The following PEX5L variants were observed in gnomAD, a reference collection of about 807,000 sequenced individuals.
PEX5L encodes the protein PEX5-related protein.
Under a neutral mutation model 84.0 loss-of-function variants are expected in PEX5L, and 30 were observed. The ratio of observed to expected loss-of-function variants is 0.36; its 90% confidence interval spans 0.27 to 0.48. The LOEUF (loss-of-function observed/expected upper bound fraction) is 0.48. PEX5L is among the 20% of genes least tolerant of loss of function. The pLI is 0.99. For synonymous variants in PEX5L, 270 were observed against 283.1 expected, an observed-to-expected ratio of 0.95 and a Z score of 0.46; for missense variants, 533 against 754.6, an observed-to-expected ratio of 0.71 and a Z score of 3.44.
chr3:179,868,002 C>A lies in PEX5L; in HGVS notation c.726+6325G>T, dbSNP rs1215359770. 5.3e-5 allele frequency among the ~76,000 whole-genome samples: 8 copies of A among 149,950 alleles called. No individual in the cohort carries two copies. In the South Asian group the frequency reaches 1.7e-3, roughly 32 times the overall value. On this transcript the variant is annotated intron_variant, in intron 7 of 14. Coordinates refer to ENST00000467460, the MANE Select transcript of PEX5L (RefSeq NM_016559.3). ...AAAGGAGGTGGTCTGTAGTTAAGAA[C>A]AAATGCTTTATTATTTATGTATTTA... is the stretch of plus-strand genomic sequence containing the variant.
At chr3:179,972,033 C>T (rs9871887) in intron 1 of PEX5L, among the ~76,000 whole-genome samples, 35,388 of 151,968 alleles carry the variant, frequency 0.23, 4,409 homozygotes, top group East Asian at 0.51. Context: ...GTTCATTTAG[C>T]TTTATACTCA....
At chr3:180,005,641 A>G (rs969210603) in intron 1 of PEX5L, among the ~76,000 whole-genome samples, 3 of 152,134 alleles carry the variant, frequency 2.0e-5, no homozygotes, top group Admixed American at 1.3e-4. Flanking sequence ...AGGCAGGAGA[A>G]TGGTGTGAAC....
intron 1 of PEX5L, among the ~76,000 whole-genome samples, chr3:179,983,036 T>C (rs1786477704): frequency 6.6e-6 from 1 of 152,038 alleles, no homozygotes; most frequent in Non-Finnish European, 1.5e-5. Flanking sequence ...AAGGAAAATA[T>C]TATTTTCACT....
chr3:179,999,704 G>A (rs1476409061), intron 1 of PEX5L, among the ~76,000 whole-genome samples: 2 of 152,114 alleles, frequency 1.3e-5, no homozygotes, highest in South Asian at 2.1e-4. Context: ...ATGGAATCAC[G>A]GAATGCCTTA....
intron 12 of PEX5L, among the ~76,000 whole-genome samples, chr3:179,808,832 C>T (rs1176025592): frequency 6.6e-6 from 1 of 151,722 alleles, no homozygotes; most frequent in Non-Finnish European, 1.5e-5. Context: ...AATCCCAGCA[C>T]TTTGGGAGGC....
chr3:179,941,975 C>G (rs943183091), intron 2 of PEX5L, among the ~76,000 whole-genome samples: 1 of 140,382 alleles, frequency 7.1e-6, no homozygotes, highest in Non-Finnish European at 1.5e-5. Context: ...GAGCCCAGAT[C>G]GCGCCACTGC....
In PEX5L at chr3:179,820,071, G is replaced by T. The variant is rs899376229; in HGVS notation, c.823-95C>A. The T allele has an allele frequency of 2.9e-5, 45 of 1,564,168 alleles. 2 individuals are homozygous for T. The South Asian group carries it at 5.1e-4, about 18-fold the overall frequency. ...CCCTAATAGATAAAAGAGGCTTCTG[G>T]GGAGGAATAAAATGGCTGATGACAT... is the stretch of plus-strand genomic sequence containing the variant. On this transcript the variant is annotated intron_variant, in intron 8 of 14. Transcript: ENST00000467460.
chr3:179,797,773 T>C lies in PEX5L; in HGVS notation c.*4055A>G, dbSNP rs1282478740. The C allele has an allele frequency of 6.6e-6, 1 of 151,870 alleles. No individual in the cohort carries two copies. Among genetic ancestry groups the C allele is most frequent in the Non-Finnish European group, 1.5e-5 (1 of 67,976 alleles). The allele number at this position is 151,870 out of a possible 1,614,324, so 9.4% of individuals were successfully genotyped here. A position where few individuals can be genotyped will look rare whatever the true frequency, so the allele number is the denominator to read the frequency against. On this transcript the variant is annotated 3_prime_UTR_variant, in exon 15 of 15. Transcript: ENST00000467460. ...TGAAATCATAAGTGTGCACGTGTAA[T>C]AATTTCTAAAATAAGAGGGTTCAAA... is the stretch of plus-strand genomic sequence containing the variant.
chr3:179,933,218 T>C (rs547412755), intron 2 of PEX5L, among the ~76,000 whole-genome samples: 38 of 152,336 alleles, frequency 2.5e-4, no homozygotes, highest in African/African-American at 8.7e-4. Context: ...CTCTGGACCA[T>C]GTGTGTTTGT....
chr3:180,014,305 T>C (rs1010476897), intron 1 of PEX5L, among the ~76,000 whole-genome samples: 1 of 152,074 alleles, frequency 6.6e-6, no homozygotes, highest in Non-Finnish European at 1.5e-5. Context: ...ACCCCGTCTC[T>C]ACTAAAAATA....
At chr3:180,030,621 C>A (rs189462713) in intron 1 of PEX5L, among the ~76,000 whole-genome samples, 42 of 152,278 alleles carry the variant, frequency 2.8e-4, no homozygotes, top group East Asian at 1.9e-4. Flanking sequence ...GTTTTAAGAA[C>A]CACATGATTT....
At chr3:179,888,213 G>T (rs1181159807) in intron 3 of PEX5L, 1 of 1,270,396 alleles carries the variant, frequency 7.9e-7, no homozygotes, top group Non-Finnish European at 1.0e-6. Context: ...GTTTATGTGG[G>T]GAGTGCAAAC....
intron 6 of PEX5L, 69 bp downstream of exon 6, chr3:179,875,285 T>A: frequency 6.7e-7 from 1 of 1,488,334 alleles, no homozygotes; most frequent in South Asian, 1.1e-5. Context: ...ACTTAACTCT[T>A]TGGCTATTTC....
At chr3:179,849,982 T>G (rs1034702113) in intron 8 of PEX5L, among the ~76,000 whole-genome samples, 1 of 152,228 alleles carries the variant, frequency 6.6e-6, no homozygotes, top group Non-Finnish European at 1.5e-5. Context: ...ACTTTAGGAT[T>G]TATATAGTAG....
At chr3:179,898,453 CT>C (rs1174019650) in intron 2 of PEX5L, 2 of 420,206 alleles carry the variant, frequency 4.8e-6, no homozygotes, top group Non-Finnish European at 8.4e-6. Context: ...ACTTTTTCCC[CT>C]TTACAGCTGA....
rs1171081741 is a variant in PEX5L at position 179,798,395 on chromosome 3, C to T, written c.*3433G>A. The T allele has an allele frequency of 6.6e-6, 1 of 152,052 alleles. No individual in the cohort carries two copies. The highest frequency in any genetic ancestry group is 1.5e-5 in the Non-Finnish European group (1 of 68,016). 9.4% of individuals were successfully genotyped at this position (152,052 alleles called of 1,614,324 possible). A position where few individuals can be genotyped will look rare whatever the true frequency, so the allele number is the denominator to read the frequency against. On this transcript the variant is annotated 3_prime_UTR_variant, in exon 15 of 15. Transcript: ENST00000467460. ...AAGGGAATGAATCAGTATGATTGGC[C>T]CAGTGAGAGGGATTTTTATTCCTCC...
chr3:179,946,277 G>A (rs11917103), intron 2 of PEX5L, among the ~76,000 whole-genome samples: 30,454 of 152,072 alleles, frequency 0.2, 3,471 homozygotes, highest in African/African-American at 0.29. Flanking sequence ...ATTTTGGTGA[G>A]TTACAGCTTT....
chr3:179,922,451 CTT>C (rs35332742), intron 2 of PEX5L, among the ~76,000 whole-genome samples: 21 of 133,980 alleles, frequency 1.6e-4, no homozygotes, highest in Admixed American at 3.0e-4. Context: ...CTTTTCTTTT[CTT>C]TTTTTTTTTT....
At chr3:179,953,863 G>A (rs1304332225) in intron 2 of PEX5L, among the ~76,000 whole-genome samples, 3 of 152,146 alleles carry the variant, frequency 2.0e-5, no homozygotes, top group African/African-American at 7.2e-5. Flanking sequence ...GAGCTGAAAA[G>A]GGAAATGATG....
Sources: gnomAD v4.1 joint callset for allele counts (sites outside exome capture counted in the v4.1 genomes callset) on GRCh38, gnomAD v4.1.1 for gene constraint, MANE v1.5 for transcripts, NCBI Gene and HGNC (gene_info 2026-07-23, HGNC 2026-07-21) for gene names.